Variants in MAP4 observed in about 807,000 individuals in gnomAD.
MAP4 encodes the protein microtubule associated protein 4.
A neutral mutation model predicts 170.2 loss-of-function variants in MAP4; 76 were observed. That is an observed-to-expected ratio of 0.45 (90% CI 0.37 to 0.54). The LOEUF is 0.54. Among genes scored for constraint, MAP4 ranks in the 20% least tolerant of loss-of-function variants. The probability of loss-of-function intolerance (pLI) is 0.00; values close to 1 mark genes in which losing one functional copy is unlikely to be tolerated. For missense variants in MAP4, 2,506 were observed against 2,748.0 expected, an observed-to-expected ratio of 0.91 and a Z score of 1.97; for synonymous variants, 909 against 994.5, an observed-to-expected ratio of 0.91 and a Z score of 1.62.
intron 4 of MAP4, among the ~76,000 whole-genome samples, chr3:47,923,638 C>A (rs371108616): frequency 0.016 from 2,195 of 141,302 alleles, 20 homozygotes; most frequent in African/African-American, 0.026. Context: ...AAAAAAAAAA[C>A]AAACCCTTAT....
intron 13 of MAP4, 126 bp downstream of exon 13, chr3:47,871,791 C>T (rs1349856634): frequency 1.4e-5 from 12 of 870,528 alleles, no homozygotes; most frequent in Non-Finnish European, 1.9e-5. Flanking sequence ...AGGTAGTCCA[C>T]TAAGGACCGG....
rs368440900 is a variant in MAP4, at chr3:47,909,260, C to T, written c.5161G>A (p.Val1721Ile). The T allele has an allele frequency of 6.8e-6, 11 of 1,613,706 alleles. No individual in the cohort carries two copies. Among genetic ancestry groups the T allele is most frequent in the African/African-American group, 5.3e-5 (4 of 74,872 alleles). ...TLVIMTASKG[V>I]RLPEPKDKIL... is the part of the protein sequence containing the mutation. ...TTATCTTTGGGTTCTGGGAGTCGAA[C>T]ACCCTTGGAAGCAGTCATTATTACT... The change falls in exon 9 of 21, where the codon GTT becomes ATT. Residue 1721 changes from valine to isoleucine, a missense_variant. This residue lies in a region of MAP4 where 2,008 missense variants were observed against 2,206.0 expected (regional missense o/e 0.91). Coordinates refer to ENST00000683076, the MANE Select transcript of MAP4 (RefSeq NM_001385682.1).
chr3:48,018,585 T>C (rs1000471214), upstream of MAP4, among the ~76,000 whole-genome samples: 1 of 151,860 alleles, frequency 6.6e-6, no homozygotes, highest in African/African-American at 2.4e-5. Flanking sequence ...GTGGGTGGAT[T>C]ATGAGGTCAA....
Position 47,857,487 on chromosome 3 carries a change from T to C in MAP4, c.6527A>G (p.Asp2176Gly). ...GNVQIQNKKV[D>G]ISKVSSKCGS... ...ACACTTGGAGGAGACCTTAGAGATG[T>C]CCACTTTCTTGTTCTGAATCTGAAC... The change falls in exon 18 of 21, where the codon GAC (aspartate) becomes GGC (glycine). Residue 2176 changes from aspartate to glycine, a missense_variant. Physicochemically the swap from Asp to Gly is moderately conservative, Grantham distance 94 (BLOSUM62 -1). Coordinates refer to ENST00000683076, the MANE Select transcript of MAP4 (RefSeq NM_001385682.1). The C allele has an allele frequency of 6.2e-7, 1 of 1,613,832 alleles. No individual in the cohort carries two copies.
chr3:47,972,070 CATTAA>C (rs974249209), intron 3 of MAP4, among the ~76,000 whole-genome samples: 2 of 152,164 alleles, frequency 1.3e-5, no homozygotes, highest in African/African-American at 4.8e-5. Context: ...AATCTAAAAA[CATTAA>C]ATTAAGTGTT....
intron 1 of MAP4, among the ~76,000 whole-genome samples, chr3:48,002,654 C>CA (rs1370592718): frequency 1.3e-5 from 2 of 152,028 alleles, no homozygotes; most frequent in African/African-American, 4.8e-5. Context: ...CCTGAGGCAG[C>CA]TGGATCACTT....
intron 17 of MAP4, among the ~76,000 whole-genome samples, chr3:47,862,345 T>TC (rs1362484878): frequency 2.6e-5 from 1 of 38,560 alleles, no homozygotes; most frequent in Non-Finnish European, 4.5e-5. Context: ...AGACTGTGTC[T>TC]CAAAAAAAAA....
intron 2 of MAP4, among the ~76,000 whole-genome samples, chr3:47,994,895 G>A (rs1285661440): frequency 6.6e-6 from 1 of 151,320 alleles, no homozygotes; most frequent in Non-Finnish European, 1.5e-5. Flanking sequence ...GATGCAGTGA[G>A]CAGAGATCGT....
intron 10 of MAP4, among the ~76,000 whole-genome samples, chr3:47,878,747 A>T (rs1438758101): frequency 6.6e-6 from 1 of 152,152 alleles, no homozygotes; most frequent in East Asian, 1.9e-4. Flanking sequence ...CATGTTGGCC[A>T]GGCTGGTCTC....
intron 5 of MAP4, among the ~76,000 whole-genome samples, chr3:47,920,909 G>C (rs916040886): frequency 6.6e-6 from 1 of 152,194 alleles, no homozygotes; most frequent in Non-Finnish European, 1.5e-5. Context: ...TGTAATCTCA[G>C]CACTTTGGGA....
chr3:47,909,470 T>C lies in MAP4; in HGVS notation c.4951A>G (p.Ser1651Gly). The part of the protein sequence containing the change: ...AQDRNSKGSD[S>G]LNKKVDLTLL... ...GTCAGATCTACCTTCTTATTCAAAC[T>C]ATCTGAACCTTTGGAATTTCTATCT... Residue 1651 changes from serine to glycine, a missense_variant, in exon 9 of 21, where the codon AGT (serine) becomes GGT (glycine). By Grantham distance (56) the Ser-to-Gly change is moderately conservative. Around this residue, in one of 3 missense-constraint regions of MAP4, gnomAD observed 2,008 missense variants for 2,206.0 expected, o/e 0.91. Transcript: ENST00000683076. 1 of 1,613,898 alleles carries C rather than the reference T, an allele frequency of 6.2e-7. No homozygotes were observed.
intron 4 of MAP4, among the ~76,000 whole-genome samples, chr3:47,926,976 C>A (rs1299158188): frequency 6.6e-6 from 1 of 151,972 alleles, no homozygotes; most frequent in Non-Finnish European, 1.5e-5. Flanking sequence ...ATCAGCCTGG[C>A]CAACATGGTG....
At chr3:47,925,146 T>C (rs1050797509) in intron 4 of MAP4, among the ~76,000 whole-genome samples, 1 of 152,166 alleles carries the variant, frequency 6.6e-6, no homozygotes, top group African/African-American at 2.4e-5. Context: ...ATCTTAGAAA[T>C]GACACACTAT....
At chr3:47,967,222 T>C (rs533115803) in intron 3 of MAP4, among the ~76,000 whole-genome samples, 1 of 152,000 alleles carries the variant, frequency 6.6e-6, no homozygotes, top group African/African-American at 2.4e-5. Context: ...TGTAATCCCA[T>C]CTACTTGGAA....
intron 1 of MAP4, among the ~76,000 whole-genome samples, chr3:48,080,316 T>C (rs1159152628): frequency 6.6e-6 from 1 of 152,242 alleles, no homozygotes; most frequent in Non-Finnish European, 1.5e-5. Flanking sequence ...ACCTATTATG[T>C]GAAACATTTG....
At chr3:47,853,666 G>A (rs181751015) in intron 19 of MAP4, among the ~76,000 whole-genome samples, 3 of 152,212 alleles carry the variant, frequency 2.0e-5, no homozygotes, top group Non-Finnish European at 4.4e-5. Context: ...TACCAAAGAC[G>A]TAGCCATGAC....
chr3:48,056,708 GT>G (rs1228937193), intron 1 of MAP4, among the ~76,000 whole-genome samples: 1 of 105,246 alleles, frequency 9.5e-6, no homozygotes. Context: ...CGTCTGGGAG[GT>G]GAGGGGCGCC....
At chr3:47,879,063 T>G (rs970800205) in intron 10 of MAP4, among the ~76,000 whole-genome samples, 1 of 152,128 alleles carries the variant, frequency 6.6e-6, no homozygotes, top group African/African-American at 2.4e-5. Flanking sequence ...ACCAGCCAAA[T>G]AGTAAATGTG....
At chr3:48,003,972 T>C (rs1168206486) in intron 1 of MAP4, among the ~76,000 whole-genome samples, 2 of 152,168 alleles carry the variant, frequency 1.3e-5, no homozygotes, top group Non-Finnish European at 2.9e-5. Flanking sequence ...CGTTCTTCAG[T>C]TTTGGGACTT....
Sources: gnomAD v4.1 joint callset for allele counts (sites outside exome capture counted in the v4.1 genomes callset) on GRCh38, gnomAD v4.1.1 for gene constraint, gnomAD v4.1.1 regional missense constraint, MANE v1.5 for transcripts, NCBI Gene and HGNC (gene_info 2026-07-23, HGNC 2026-07-21) for gene names.